Variants in LRMDA observed in about 807,000 individuals in gnomAD.
LRMDA encodes the protein leucine-rich melanocyte differentiation-associated protein.
Under a neutral mutation model 29.8 loss-of-function variants are expected in LRMDA, and 18 were observed. That is an observed-to-expected ratio of 0.60 (90% CI 0.42 to 0.90). LRMDA has a LOEUF of 0.90. Among genes scored for constraint, LRMDA ranks in the 40% least tolerant of loss-of-function variants. The pLI, the probability that LRMDA is intolerant of heterozygous loss-of-function variation, is 0.00. For missense variants in LRMDA, 273 were observed against 273.9 expected (o/e 1.00, Z 0.02); for synonymous variants, 125 against 109.4 (o/e 1.14, Z -0.89).
intron 4 of LRMDA, among the ~76,000 whole-genome samples, chr10:76,056,598 G>A (rs778670694): frequency 2.0e-5 from 3 of 152,236 alleles, no homozygotes; most frequent in Non-Finnish European, 2.9e-5. Flanking sequence ...TCCAGAAGGG[G>A]CTGAGGTGGC....
At chr10:76,528,959 A>G (rs1843206425) in intron 6 of LRMDA, among the ~76,000 whole-genome samples, 1 of 152,192 alleles carries the variant, frequency 6.6e-6, no homozygotes, top group African/African-American at 2.4e-5. Flanking sequence ...CTCTGTGTAT[A>G]AGATGAAAGA....
chr10:76,278,311 C>T (rs910578183), intron 5 of LRMDA, among the ~76,000 whole-genome samples: 3 of 152,086 alleles, frequency 2.0e-5, no homozygotes, highest in Non-Finnish European at 4.4e-5. Context: ...AAGTGTTCCT[C>T]GGCAGGTTTG....
At chr10:76,134,291 C>A (rs764300090) in intron 5 of LRMDA, among the ~76,000 whole-genome samples, 1 of 152,120 alleles carries the variant, frequency 6.6e-6, no homozygotes, top group Non-Finnish European at 1.5e-5. Context: ...TGAGACTTGG[C>A]GGTGATATTC....
chr10:76,352,923 C>T (rs1841195285), intron 6 of LRMDA, among the ~76,000 whole-genome samples: 1 of 151,964 alleles, frequency 6.6e-6, no homozygotes, highest in African/African-American at 2.4e-5. Context: ...TGGGCCATAT[C>T]CACTTTTGGT....
chr10:75,644,383 A>G (rs1841489924), intron 2 of LRMDA, among the ~76,000 whole-genome samples: 1 of 152,162 alleles, frequency 6.6e-6, no homozygotes, highest in African/African-American at 2.4e-5. Flanking sequence ...GTTCTGTTTT[A>G]TCATACACAT....
At chr10:76,342,610 T>C (rs1367821755) in intron 6 of LRMDA, among the ~76,000 whole-genome samples, 1 of 151,778 alleles carries the variant, frequency 6.6e-6, no homozygotes, top group Non-Finnish European at 1.5e-5. Flanking sequence ...AATTATTAAC[T>C]ATCCCAATCA....
chr10:75,871,372 A>G (rs1331703981), intron 2 of LRMDA, among the ~76,000 whole-genome samples: 1 of 152,180 alleles, frequency 6.6e-6, no homozygotes, highest in African/African-American at 2.4e-5. Context: ...TGCAAGTGCA[A>G]TTGAGCCAGT....
intron 2 of LRMDA, among the ~76,000 whole-genome samples, chr10:75,922,989 A>C (rs533138466): frequency 9.8e-5 from 15 of 152,294 alleles, no homozygotes; most frequent in African/African-American, 3.4e-4. Flanking sequence ...AAGTCACTCT[A>C]AGGGATACTG....
intron 2 of LRMDA, among the ~76,000 whole-genome samples, chr10:75,901,651 C>T (rs1845675484): frequency 6.6e-6 from 1 of 152,062 alleles, no homozygotes; most frequent in Admixed American, 6.6e-5. Context: ...AGTCAAAGTG[C>T]AAAAGTCAGA....
chr10:75,676,222 A>G (rs559973614), intron 2 of LRMDA, among the ~76,000 whole-genome samples: 10 of 152,154 alleles, frequency 6.6e-5, no homozygotes, highest in Non-Finnish European at 1.5e-4. Flanking sequence ...GGCTTGAGGA[A>G]GGTGTTTTCT....
At chr10:76,123,550 A>T (rs1479616486) in intron 5 of LRMDA, among the ~76,000 whole-genome samples, 1 of 152,152 alleles carries the variant, frequency 6.6e-6, no homozygotes, top group Non-Finnish European at 1.5e-5. Flanking sequence ...TATATGTAAA[A>T]CACAGAAAGG....
chr10:75,662,080 G>A lies in LRMDA; in HGVS notation c.131+223586G>A, dbSNP rs556559590. Among the ~76,000 whole-genome samples the A allele has an allele frequency of 8.6e-5, 13 of 151,310 alleles. No individual in the cohort carries two copies. The South Asian group carries it at 2.3e-3, about 27-fold the overall frequency. ...ACCTTTTCTTTTGGCCAAATTGAAT[G>A]TTCTACTTTTAAAGGGGAGGAATTT... On this transcript the variant is annotated intron_variant, in intron 2 of 6. Transcript: ENST00000611255.
chr10:76,442,385 A>G (rs1322506965), intron 6 of LRMDA, among the ~76,000 whole-genome samples: 1 of 152,178 alleles, frequency 6.6e-6, no homozygotes, highest in Non-Finnish European at 1.5e-5. Context: ...CTTAGCTTAA[A>G]ATGAGAAGGT....
At chr10:76,147,685 C>T (rs558661360) in intron 5 of LRMDA, among the ~76,000 whole-genome samples, 13 of 152,108 alleles carry the variant, frequency 8.5e-5, no homozygotes, top group South Asian at 4.1e-4. Context: ...TCTCTCAACT[C>T]GTCAAAGTCA....
At chr10:75,808,390 G>A (rs961753798) in intron 2 of LRMDA, among the ~76,000 whole-genome samples, 2 of 152,234 alleles carry the variant, frequency 1.3e-5, no homozygotes, top group African/African-American at 4.8e-5. Context: ...CATGTTTTGT[G>A]AGGCACATCT....
intron 1 of LRMDA, among the ~76,000 whole-genome samples, chr10:75,434,076 G>T (rs1844237605): frequency 6.6e-6 from 1 of 152,170 alleles, no homozygotes; most frequent in Non-Finnish European, 1.5e-5. Context: ...TGGCTTGAAT[G>T]CATCATTTAT....
At chr10:75,640,759 G>A (rs1381001434) in intron 2 of LRMDA, among the ~76,000 whole-genome samples, 3 of 152,082 alleles carry the variant, frequency 2.0e-5, no homozygotes, top group African/African-American at 4.8e-5. Flanking sequence ...TCTATGTTGA[G>A]TTCAAAGGGA....
At chr10:75,941,805 C>T (rs1168113081) in intron 2 of LRMDA, among the ~76,000 whole-genome samples, 1 of 152,118 alleles carries the variant, frequency 6.6e-6, no homozygotes, top group Non-Finnish European at 1.5e-5. Flanking sequence ...CCTTCCATCT[C>T]TTGAGGAATA....
chr10:75,758,000 A>G (rs1843053360), intron 2 of LRMDA, among the ~76,000 whole-genome samples: 1 of 152,120 alleles, frequency 6.6e-6, no homozygotes, highest in Non-Finnish European at 1.5e-5. Flanking sequence ...GGGTTTCACC[A>G]TGTTGGCCAG....
Sources: gnomAD v4.1 joint callset for allele counts (sites outside exome capture counted in the v4.1 genomes callset) on GRCh38, gnomAD v4.1.1 for gene constraint, MANE v1.5 for transcripts, NCBI Gene and HGNC (gene_info 2026-07-23, HGNC 2026-07-21) for gene names.